Variants in VPS4B observed in about 807,000 individuals in gnomAD.
The protein encoded by VPS4B is vacuolar protein sorting-associated protein 4B.
In VPS4B, 23 loss-of-function variants were observed where a neutral mutation model predicts 56.1. The ratio of observed to expected loss-of-function variants is 0.41; its 90% CI spans 0.30 to 0.58. VPS4B has a LOEUF of 0.58. Among genes scored for constraint, VPS4B ranks in the 20% least tolerant of loss-of-function variants. The pLI is 0.29. For synonymous variants in VPS4B, 177 were observed against 186.0 expected (o/e 0.95, Z 0.39); for missense variants, 372 against 531.9 (o/e 0.70, Z 2.96).
chr18:63,413,031 G>T (rs1479920375), intron 1 of VPS4B, among the ~76,000 whole-genome samples: 1 of 152,084 alleles, frequency 6.6e-6, no homozygotes, highest in Non-Finnish European at 1.5e-5. Context: ...ATCTAACAAA[G>T]AACTAGTATC....
intron 7 of VPS4B, among the ~76,000 whole-genome samples, chr18:63,399,613 A>AT (rs1915765051): frequency 6.6e-6 from 1 of 152,226 alleles, no homozygotes; most frequent in African/African-American, 2.4e-5. Context: ...CGAAGTCTAC[A>AT]TATTACTTTT....
chr18:63,400,200 A>G lies in VPS4B; in HGVS notation c.642-4T>C. ...TTGGAATAAATTCTTAACCAGTCTA[A>G]AAATAAATGAAAACTTTTAAGTCTC... On this transcript the variant is annotated splice_region_variant and splice_polypyrimidine_tract_variant and intron_variant, in intron 6 of 10. Transcript: ENST00000238497. 2 of 1,585,058 alleles carry G rather than the reference A, an allele frequency of 1.3e-6. No individual in the cohort carries two copies. Among genetic ancestry groups the G allele is most frequent in the Non-Finnish European group, 1.7e-6 (2 of 1,172,468 alleles).
intron 8 of VPS4B, 94 bp from the exon 9 acceptor site, chr18:63,397,347 C>A: frequency 8.7e-7 from 1 of 1,146,372 alleles, no homozygotes; most frequent in Non-Finnish European, 1.2e-6. Context: ...CCTGTATGTG[C>A]CAAGGTTAAA....
chr18:63,403,044 T>G (rs949996213), intron 5 of VPS4B, among the ~76,000 whole-genome samples: 7 of 152,272 alleles, frequency 4.6e-5, no homozygotes, highest in African/African-American at 1.7e-4. Flanking sequence ...TATCACTTAC[T>G]GCTGGAACTA....
At chr18:63,421,998 C>T (rs970077257) in intron 1 of VPS4B, among the ~76,000 whole-genome samples, 1 of 152,212 alleles carries the variant, frequency 6.6e-6, no homozygotes, top group Non-Finnish European at 1.5e-5. Flanking sequence ...GAAGTGTCAA[C>T]AAAAGTGAAG....
intron 2 of VPS4B, among the ~76,000 whole-genome samples, chr18:63,411,179 G>A (rs996792597): frequency 6.6e-6 from 1 of 152,178 alleles, no homozygotes; most frequent in Admixed American, 6.6e-5. Context: ...TGGTACACAC[G>A]CAATACATAT....
intron 3 of VPS4B, among the ~76,000 whole-genome samples, 200 bp from the exon 4 acceptor site, chr18:63,407,699 G>C (rs976226098): frequency 2.6e-5 from 4 of 152,120 alleles, no homozygotes; most frequent in African/African-American, 9.7e-5. Context: ...TCATGTAAAA[G>C]AAAGGGACAA....
rs756092907 is a variant in VPS4B, at chr18:63,397,115, T to C, written c.1011A>G (p.Ser337=). The change falls in exon 9 of 11, where the codon TCA becomes TCG. Residue 337 remains serine (S), a synonymous_variant. Coordinates refer to ENST00000238497, the MANE Select transcript of VPS4B (RefSeq NM_004869.4). The stretch of plus-strand genomic sequence containing the variant: ...GTACAATGATACTTATATCTGCCCC[T>C]GAATAACCATCTGTTTTCCTCCCAA... ...RELGRKTDGY[S]GADISIIVRD... 4.3e-5 allele frequency: 69 copies of C among 1,614,090 alleles called. No homozygotes were observed. Among genetic ancestry groups the C allele is most frequent in the Non-Finnish European group, 5.1e-5 (60 of 1,180,048 alleles).
At chr18:63,419,641 C>T (rs951104926) in intron 1 of VPS4B, among the ~76,000 whole-genome samples, 1 of 152,196 alleles carries the variant, frequency 6.6e-6, no homozygotes, top group Admixed American at 6.5e-5. Context: ...TCTTATTGCA[C>T]TGTTCTCAAC....
chr18:63,400,684 C>T lies in VPS4B; in HGVS notation c.504G>A (p.Arg168=). 1 of 1,599,106 alleles carries T rather than the reference C, an allele frequency of 6.3e-7. No individual in the cohort carries two copies. Among genetic ancestry groups the T allele is most frequent in the Non-Finnish European group, 8.5e-7 (1 of 1,176,704 alleles). The change falls in exon 6 of 11, where the codon AGG becomes AGA. Residue 168 remains arginine (R), a synonymous_variant. Transcript: ENST00000238497. Reference sequence around the variant, plus strand: ...CAGGCGGCCCAAATAATAGGATTCCCCTCCAAGGTGTTCTCTTGCCTAAAA... The same window carrying T: ...CAGGCGGCCCAAATAATAGGATTCCTCTCCAAGGTGTTCTCTTGCCTAAAA... ...HLFTGKRTPW[R]GILLFGPPGT...
Position 63,422,239 on chromosome 18 carries a change from G to A in VPS4B, c.21C>T (p.Asn7=), listed in dbSNP as rs758638650. The A allele has an allele frequency of 2.3e-4, 349 of 1,513,422 alleles. 2 individuals carry two copies. Among genetic ancestry groups the A allele is most frequent in the East Asian group, 2.7e-5 (1 of 37,102 alleles). The allele number at this position is 1,513,422 out of a possible 1,614,324, so 93.7% of individuals were successfully genotyped here. Residue 7 remains asparagine (N), a synonymous_variant, in exon 1 of 11, where the codon AAC becomes AAT. Transcript: ENST00000238497. MSSTSP[N]LQKAIDLASK... Reference sequence around the variant, plus strand: ...GGGAGATGAGCAATGATACCTGGAGGTTGGGCGAAGTGGATGACATGGCGG... The same window carrying A: ...GGGAGATGAGCAATGATACCTGGAGATTGGGCGAAGTGGATGACATGGCGG...
chr18:63,421,130 T>C (rs1373277764), intron 1 of VPS4B, among the ~76,000 whole-genome samples: 1 of 152,152 alleles, frequency 6.6e-6, no homozygotes, highest in Non-Finnish European at 1.5e-5. Context: ...TTGTTGCAAT[T>C]ATACAATTAT....
At chr18:63,392,517 C>T (rs1342184024) in intron 10 of VPS4B, among the ~76,000 whole-genome samples, 1 of 151,854 alleles carries the variant, frequency 6.6e-6, no homozygotes, top group East Asian at 1.9e-4. Flanking sequence ...GGTATGATCT[C>T]GGCTCACTGC....
At chr18:63,393,903 A>AT (rs531245241) in intron 9 of VPS4B, among the ~76,000 whole-genome samples, 2 of 151,224 alleles carry the variant, frequency 1.3e-5, no homozygotes, top group South Asian at 2.1e-4. Context: ...CACCCAGCTA[A>AT]TTTTTTTTTA....
intron 2 of VPS4B, 58 bp from the exon 3 acceptor site, chr18:63,410,504 G>C: frequency 6.3e-7 from 1 of 1,576,914 alleles, no homozygotes; most frequent in Non-Finnish European, 8.6e-7. Context: ...AGAAAGGTTT[G>C]AACTCTTAAA....
At chr18:63,421,506 C>A (rs944669616) in intron 1 of VPS4B, among the ~76,000 whole-genome samples, 5 of 152,206 alleles carry the variant, frequency 3.3e-5, no homozygotes, top group Admixed American at 1.3e-4. Context: ...CACTGAAGCC[C>A]TAGATCCATT....
intron 1 of VPS4B, among the ~76,000 whole-genome samples, chr18:63,420,527 G>A (rs1916273539): frequency 6.6e-6 from 1 of 152,106 alleles, no homozygotes; most frequent in African/African-American, 2.4e-5. Context: ...TCTGACAAAT[G>A]AAAAGCTGGT....
chr18:63,414,744 G>A (rs936342947), intron 1 of VPS4B, among the ~76,000 whole-genome samples: 1 of 152,182 alleles, frequency 6.6e-6, no homozygotes, highest in African/African-American at 2.4e-5. Context: ...CTAGAAATAA[G>A]CTCTTTCTTA....
rs536368854 is a variant in VPS4B, at chr18:63,410,078, C to T, written c.296+212G>A. ...GCCATACGGTCTCCACACAACCACA[C>T]AACTTTGTTGTTACGGCACGAAAGC... On this transcript the variant is annotated intron_variant, in intron 3 of 10. Coordinates refer to ENST00000238497, the MANE Select transcript of VPS4B (RefSeq NM_004869.4). Among the ~76,000 whole-genome samples, 5 of 152,304 alleles carry T rather than the reference C, an allele frequency of 3.3e-5. No homozygotes were observed. The South Asian group carries it at 6.2e-4, about 19-fold the overall frequency.
Sources: gnomAD v4.1 joint callset for allele counts (sites outside exome capture counted in the v4.1 genomes callset) on GRCh38, gnomAD v4.1.1 for gene constraint, MANE v1.5 for transcripts, NCBI Gene and HGNC (gene_info 2026-07-23, HGNC 2026-07-21) for gene names.